The following SYNDIG1L variants were observed in gnomAD, a reference collection of about 807,000 sequenced individuals.
SYNDIG1L encodes the protein synapse differentiation inducing 1 like, also known as synapse differentiation-inducing gene protein 1-like.
Under a neutral mutation model 20.1 loss-of-function variants are expected in SYNDIG1L, and 13 were observed. The ratio of observed to expected loss-of-function variants is 0.65; its 90% confidence interval spans 0.42 to 1.03. SYNDIG1L has a LOEUF of 1.03. Ranked by LOEUF, SYNDIG1L falls within the 50% of genes least tolerant of loss-of-function variation. The probability of loss-of-function intolerance (pLI) is 0.00; values close to 1 mark genes in which losing one functional copy is unlikely to be tolerated. For missense variants in SYNDIG1L, 294 were observed against 305.1 expected (o/e 0.96, Z 0.27); for synonymous variants, 128 against 129.3 (o/e 0.99, Z 0.07).
At chr14:74,430,589 C>A (rs759653755), upstream of SYNDIG1L, among the ~76,000 whole-genome samples, 18 of 152,022 alleles carry the variant, frequency 1.2e-4, no homozygotes, top group Admixed American at 2.6e-4. Context: ...GTGTGTGCTA[C>A]CATACCTAGC....
chr14:74,445,454 TTG>T, the SYNDIG1L span, among the ~76,000 whole-genome samples: 11,078 of 147,578 alleles, frequency 0.075, 540 homozygotes, highest in African/African-American at 0.15. Flanking sequence ...GTATTAAAAT[TTG>T]TGTGTGTGTG....
chr14:74,456,854 T>C, the SYNDIG1L span, among the ~76,000 whole-genome samples: 1 of 151,944 alleles, frequency 6.6e-6, no homozygotes, highest in Non-Finnish European at 1.5e-5. Flanking sequence ...GCAGGAGCCA[T>C]GGAGGGAAGT....
the SYNDIG1L span, among the ~76,000 whole-genome samples, chr14:74,433,528 C>T: frequency 6.6e-6 from 1 of 152,198 alleles, no homozygotes; most frequent in South Asian, 2.1e-4. Context: ...AGATTATAGG[C>T]ACGCACCCAC....
chr14:74,474,772 C>T, the SYNDIG1L span: 1 of 152,238 alleles, frequency 6.6e-6, no homozygotes, highest in Non-Finnish European at 1.5e-5. Flanking sequence ...AATGCCGTGC[C>T]CTTCTTCAGG....
At chr14:74,463,561 G>A in the SYNDIG1L span, among the ~76,000 whole-genome samples, 4 of 152,106 alleles carry the variant, frequency 2.6e-5, no homozygotes, top group African/African-American at 9.7e-5. Context: ...GTGCGGTCTC[G>A]GATACCTCAG....
At chr14:74,476,599 A>G in the SYNDIG1L span, 6 of 1,532,916 alleles carry the variant, frequency 3.9e-6, no homozygotes, top group Non-Finnish European at 5.2e-6. Context: ...ACATCTGCAG[A>G]AAGTAGAAGA....
At chr14:74,417,139 C>T (rs1326425038) in intron 1 of SYNDIG1L, among the ~76,000 whole-genome samples, 4 of 152,210 alleles carry the variant, frequency 2.6e-5, no homozygotes, top group Non-Finnish European at 4.4e-5. Context: ...GAAATTAAAT[C>T]GATTTTCTGA....
chr14:74,469,642 G>A, the SYNDIG1L span, among the ~76,000 whole-genome samples: 8 of 152,228 alleles, frequency 5.3e-5, no homozygotes, highest in South Asian at 1.7e-3. Context: ...CCTGAAGGGT[G>A]GTTTTGATTG....
the SYNDIG1L span, chr14:74,474,293 C>CT: frequency 6.6e-6 from 1 of 152,320 alleles, no homozygotes; most frequent in Non-Finnish European, 1.5e-5. Context: ...AGAAATTTCT[C>CT]TGTTACCCAC....
chr14:74,429,494 A>G (rs1304899859), upstream of SYNDIG1L, among the ~76,000 whole-genome samples: 1 of 152,238 alleles, frequency 6.6e-6, no homozygotes, highest in Non-Finnish European at 1.5e-5. Context: ...AGCACCAAGC[A>G]TAGAGAGGCC....
At chr14:74,456,367 T>C in the SYNDIG1L span, among the ~76,000 whole-genome samples, 1 of 151,990 alleles carries the variant, frequency 6.6e-6, no homozygotes, top group Non-Finnish European at 1.5e-5. Context: ...CCGTCTCTAC[T>C]AAATACAAAA....
At chr14:74,429,852 G>A (rs2086290873), upstream of SYNDIG1L, among the ~76,000 whole-genome samples, 1 of 152,228 alleles carries the variant, frequency 6.6e-6, no homozygotes, top group South Asian at 2.1e-4. Context: ...CTGCTTCTGA[G>A]TCAGGCCCTT....
the SYNDIG1L span, among the ~76,000 whole-genome samples, chr14:74,441,697 G>C: frequency 6.6e-6 from 1 of 151,910 alleles, no homozygotes; most frequent in Non-Finnish European, 1.5e-5. Context: ...TTTTTTTGTA[G>C]AGATAGGGTC....
chr14:74,423,721 A>G (rs2086242862), intron 1 of SYNDIG1L, among the ~76,000 whole-genome samples: 1 of 152,142 alleles, frequency 6.6e-6, no homozygotes, highest in Non-Finnish European at 1.5e-5. Flanking sequence ...CACACGTAAC[A>G]CAAATATAAA....
chr14:74,417,572 C>T (rs1261602736), intron 1 of SYNDIG1L, among the ~76,000 whole-genome samples: 1 of 152,160 alleles, frequency 6.6e-6, no homozygotes, highest in South Asian at 2.1e-4. Context: ...CAAATGAAGC[C>T]GGTTATTATT....
intron 3 of SYNDIG1L, 38 bp downstream of exon 3, chr14:74,407,811 C>T (rs376413062): frequency 2.1e-5 from 34 of 1,593,596 alleles, no homozygotes; most frequent in African/African-American, 1.9e-4. Context: ...AGTAGAGTGA[C>T]GGGCCAGAGA....
the SYNDIG1L span, among the ~76,000 whole-genome samples, chr14:74,470,810 G>A: frequency 2.0e-5 from 3 of 152,200 alleles, no homozygotes; most frequent in African/African-American, 4.8e-5. Context: ...TTCCTCAGAC[G>A]TCAGCTTTTC....
the SYNDIG1L span, among the ~76,000 whole-genome samples, chr14:74,444,508 T>C: frequency 6.6e-6 from 1 of 151,634 alleles, no homozygotes; most frequent in South Asian, 2.1e-4. Context: ...CCCAGCACTT[T>C]GGGAGGCCGA....
the SYNDIG1L span, among the ~76,000 whole-genome samples, chr14:74,449,765 G>T: frequency 6.6e-6 from 1 of 151,978 alleles, no homozygotes; most frequent in African/African-American, 2.4e-5. Flanking sequence ...CAAATTTATA[G>T]CATTAAACAC....
Sources: allele counts gnomAD v4.1 joint callset (sites outside exome capture counted in the v4.1 genomes callset), GRCh38; gene constraint gnomAD v4.1.1; transcripts MANE v1.5; gene names NCBI Gene and HGNC (gene_info 2026-07-23, HGNC 2026-07-21).